Variants in FIP1L1 observed in about 807,000 individuals in gnomAD.
FIP1L1 encodes the protein pre-mRNA 3'-end-processing factor FIP1.
In FIP1L1, 21 loss-of-function variants were observed where a neutral mutation model predicts 84.6. The ratio of observed to expected loss-of-function variants is 0.25; its 90% confidence interval spans 0.18 to 0.36. FIP1L1 has a LOEUF of 0.36. FIP1L1 is among the 10% of genes least tolerant of loss of function. The pLI is 1.00. For synonymous variants in FIP1L1, 263 were observed against 242.3 expected (o/e 1.09, Z -0.80); for missense variants, 526 against 751.1 (o/e 0.70, Z 3.50).
chr4:53,383,945 A>T, intron 5 of FIP1L1, 69 bp downstream of exon 5: 1 of 1,385,632 alleles, frequency 7.2e-7, no homozygotes, highest in South Asian at 1.4e-5. Context: ...CCTATATCAA[A>T]CTCTCAGTGG....
At chr4:53,424,112 A>G (rs1040773855) in intron 11 of FIP1L1, among the ~76,000 whole-genome samples, 1 of 152,178 alleles carries the variant, frequency 6.6e-6, no homozygotes, top group Non-Finnish European at 1.5e-5. Context: ...TGCAAAGGAG[A>G]GAGTCCAGTG....
intron 9 of FIP1L1, among the ~76,000 whole-genome samples, chr4:53,393,240 T>C (rs186019604): frequency 6.4e-4 from 97 of 152,300 alleles, no homozygotes; most frequent in Admixed American, 2.0e-3. Context: ...TGCCATACTA[T>C]GGGACTAAAA....
intron 10 of FIP1L1, among the ~76,000 whole-genome samples, chr4:53,400,263 G>GA (rs781096692): frequency 2.0e-5 from 3 of 152,146 alleles, no homozygotes; most frequent in Non-Finnish European, 4.4e-5. Context: ...TTTCAGCTTG[G>GA]AAAATCTTTA....
At chr4:53,459,163 C>T (rs1195052387) in intron 17 of FIP1L1, 139 bp from the exon 18 acceptor site, 3 of 672,232 alleles carry the variant, frequency 4.5e-6, no homozygotes, top group Admixed American at 3.1e-5. Flanking sequence ...GATTATTCCT[C>T]ACATTATATT....
intron 11 of FIP1L1, among the ~76,000 whole-genome samples, chr4:53,425,197 T>C (rs575430430): frequency 3.2e-4 from 48 of 152,290 alleles, no homozygotes; most frequent in Middle Eastern, 3.4e-3. Context: ...ATAATAGCTT[T>C]TAACATTATT....
At chr4:53,413,160 G>GT (rs888859913) in intron 10 of FIP1L1, among the ~76,000 whole-genome samples, 178 of 145,474 alleles carry the variant, frequency 1.2e-3, no homozygotes, top group South Asian at 3.9e-3. Flanking sequence ...TCTCCATCAT[G>GT]TTTTTTTTTT....
At chr4:53,426,691 TC>T (rs903572505) in intron 12 of FIP1L1, among the ~76,000 whole-genome samples, 19 of 152,310 alleles carry the variant, frequency 1.2e-4, no homozygotes, top group African/African-American at 4.6e-4. Flanking sequence ...TATACTTTTT[TC>T]CCCATCTAAA....
chr4:53,438,794 A>C (rs1213006101), intron 13 of FIP1L1, among the ~76,000 whole-genome samples: 1 of 152,212 alleles, frequency 6.6e-6, no homozygotes, highest in African/African-American at 2.4e-5. Flanking sequence ...TTAACAACTT[A>C]AATGTTTTTG....
At chr4:53,417,892 T>G (rs1366488626) in intron 11 of FIP1L1, among the ~76,000 whole-genome samples, 2 of 151,834 alleles carry the variant, frequency 1.3e-5, no homozygotes, top group East Asian at 3.9e-4. Flanking sequence ...AAAACTAGAT[T>G]CCTGCTCTTG....
At chr4:53,452,714 T>C (rs1716832120) in intron 15 of FIP1L1, among the ~76,000 whole-genome samples, 1 of 152,240 alleles carries the variant, frequency 6.6e-6, no homozygotes, top group Admixed American at 6.5e-5. Flanking sequence ...CCTGTTCACC[T>C]TGTATAATGA....
intron 10 of FIP1L1, among the ~76,000 whole-genome samples, chr4:53,409,323 C>T (rs923546243): frequency 3.9e-5 from 6 of 152,262 alleles, no homozygotes; most frequent in African/African-American, 7.2e-5. Context: ...TTTCGTGAAC[C>T]GCGAATGCTG....
intron 11 of FIP1L1, among the ~76,000 whole-genome samples, chr4:53,422,299 G>T (rs1399680136): frequency 6.6e-6 from 1 of 151,890 alleles, no homozygotes; most frequent in Non-Finnish European, 1.5e-5. Context: ...CCTTTTTTAA[G>T]TATTGTTTCA....
intron 13 of FIP1L1, among the ~76,000 whole-genome samples, chr4:53,431,602 A>G (rs1461664169): frequency 2.6e-5 from 2 of 78,122 alleles, no homozygotes; most frequent in Admixed American, 1.7e-4. Flanking sequence ...TTAGGATGCT[A>G]CTAGATTTTT....
chr4:53,444,801 G>A (rs1241773898), intron 15 of FIP1L1, among the ~76,000 whole-genome samples: 5 of 151,964 alleles, frequency 3.3e-5, no homozygotes, highest in Non-Finnish European at 1.5e-5. Context: ...TGAACTCCTG[G>A]GCTCAAGCAA....
At chr4:53,384,682 T>A (rs1416668027) in intron 5 of FIP1L1, among the ~76,000 whole-genome samples, 1 of 152,220 alleles carries the variant, frequency 6.6e-6, no homozygotes, top group African/African-American at 2.4e-5. Context: ...TGGACTGTCA[T>A]TGACTCATTG....
At chr4:53,378,915 T>C in intron 1 of FIP1L1, 158 bp from the exon 2 acceptor site, 1 of 724,930 alleles carries the variant, frequency 1.4e-6, no homozygotes, top group South Asian at 2.0e-5. Context: ...CTCTTTGAAA[T>C]GTGAATGTGT....
In FIP1L1 at chr4:53,442,713, T is replaced by C; in HGVS notation, c.1229+6T>C. On this transcript the variant is annotated splice_donor_region_variant and intron_variant, in intron 14 of 17. Coordinates refer to ENST00000337488, the MANE Select transcript of FIP1L1 (RefSeq NM_030917.4). ...CTTATACCAACAATAGAAAGGTAAATCAGTATGGATACTGATTTTTGATCA... is the reference window on the plus strand; with the variant it reads ...CTTATACCAACAATAGAAAGGTAAACCAGTATGGATACTGATTTTTGATCA... 1 of 1,566,746 alleles carries C rather than the reference T, an allele frequency of 6.4e-7. No individual in the cohort carries two copies. The highest frequency in any genetic ancestry group is 8.8e-7 in the Non-Finnish European group (1 of 1,137,996).
chr4:53,449,802 TTTTTG>T (rs1775676335), intron 15 of FIP1L1, among the ~76,000 whole-genome samples: 1 of 152,176 alleles, frequency 6.6e-6, no homozygotes, highest in African/African-American at 2.4e-5. Flanking sequence ...CAAGATTTCT[TTTTTG>T]TTTTGAGTTT....
intron 13 of FIP1L1, among the ~76,000 whole-genome samples, chr4:53,434,987 T>A (rs548001410): frequency 6.6e-6 from 1 of 152,318 alleles, no homozygotes; most frequent in East Asian, 1.9e-4. Context: ...AATTTTATAA[T>A]ACCATGAATT....
Sources: gnomAD v4.1 joint callset for allele counts (sites outside exome capture counted in the v4.1 genomes callset) on GRCh38, gnomAD v4.1.1 for gene constraint, MANE v1.5 for transcripts, NCBI Gene and HGNC (gene_info 2026-07-23, HGNC 2026-07-21) for gene names.